Variants in NALF1 observed in about 807,000 individuals in gnomAD.
The protein encoded by NALF1 is family with sequence similarity 155 member A.
In NALF1, 3 loss-of-function variants were observed where a neutral mutation model predicts 48.4. The observed-to-expected ratio is 0.06, with a 90% CI of 0.03 to 0.16. The LOEUF (loss-of-function observed/expected upper bound fraction) is 0.16, where lower values mean the gene tolerates loss of function less well. NALF1 is among the 10% of genes least tolerant of loss of function. The probability of loss-of-function intolerance (pLI) is 1.00; values close to 1 mark genes in which losing one functional copy is unlikely to be tolerated. For synonymous variants in NALF1, 262 were observed against 245.7 expected (o/e 1.07, Z -0.62); for missense variants, 526 against 571.5 (o/e 0.92, Z 0.81).
intron 1 of NALF1, among the ~76,000 whole-genome samples, chr13:107,749,102 A>G (rs1447970340): frequency 6.6e-6 from 1 of 150,416 alleles, no homozygotes; most frequent in Non-Finnish European, 1.5e-5. Context: ...CAATTTAGGA[A>G]ATGACTCAGA....
intron 1 of NALF1, among the ~76,000 whole-genome samples, chr13:107,855,814 T>C (rs550330966): frequency 6.6e-6 from 1 of 152,350 alleles, no homozygotes; most frequent in East Asian, 1.9e-4. Context: ...AGTTTGCCCA[T>C]GATGTTGAAT....
At chr13:107,388,841 A>T (rs1594150162) in intron 1 of NALF1, among the ~76,000 whole-genome samples, 1 of 140,486 alleles carries the variant, frequency 7.1e-6, no homozygotes, top group South Asian at 2.1e-4. Context: ...CCAGTCAATT[A>T]AAAAAAAAAA....
Position 107,578,402 on chromosome 13 carries a change from T to C in NALF1, c.915+287280A>G, listed in dbSNP as rs540085051. Among the ~76,000 whole-genome samples the C allele has an allele frequency of 8.1e-4, 123 of 152,348 alleles. 2 individuals carry two copies. The South Asian group carries it at 0.014, about 17-fold the overall frequency. ...TGTCAAATTTCAATTCATTCAACATTCTAATAGAGTAATTTTTCATCCTTT... is the reference window on the plus strand; with the variant it reads ...TGTCAAATTTCAATTCATTCAACATCCTAATAGAGTAATTTTTCATCCTTT... On this transcript the variant is annotated intron_variant, in intron 1 of 2. Coordinates refer to ENST00000375915, the MANE Select transcript of NALF1 (RefSeq NM_001080396.3).
intron 1 of NALF1, among the ~76,000 whole-genome samples, chr13:107,655,106 T>C (rs1299005169): frequency 6.6e-6 from 1 of 152,046 alleles, no homozygotes; most frequent in Non-Finnish European, 1.5e-5. Flanking sequence ...GGATGCCTAC[T>C]TTCACCACTT....
chr13:107,750,447 T>A (rs1341366), intron 1 of NALF1, among the ~76,000 whole-genome samples: 8,784 of 152,268 alleles, frequency 0.058, 375 homozygotes, highest in South Asian at 0.11. Flanking sequence ...ATTACAATTT[T>A]CCTGAAATTT....
chr13:107,473,474 C>A (rs1347554108), intron 1 of NALF1, among the ~76,000 whole-genome samples: 1 of 152,170 alleles, frequency 6.6e-6, no homozygotes, highest in Admixed American at 6.5e-5. Context: ...TTTAATTACT[C>A]TCTAAGTCAC....
intron 1 of NALF1, among the ~76,000 whole-genome samples, chr13:107,281,280 G>A (rs553423856): frequency 4.6e-5 from 7 of 152,294 alleles, no homozygotes; most frequent in African/African-American, 1.7e-4. Flanking sequence ...AGTCCCATAT[G>A]AGCATTACTG....
intron 1 of NALF1, among the ~76,000 whole-genome samples, chr13:107,636,412 T>C (rs1015245754): frequency 1.3e-5 from 2 of 152,186 alleles, no homozygotes; most frequent in Non-Finnish European, 2.9e-5. Flanking sequence ...CATTTCTTCA[T>C]TGTATGGTTT....
chr13:107,386,762 A>G (rs1434177210), intron 1 of NALF1, among the ~76,000 whole-genome samples: 1 of 152,164 alleles, frequency 6.6e-6, no homozygotes, highest in Non-Finnish European at 1.5e-5. Context: ...ATTTCATTCT[A>G]GTACGTCCAC....
intron 1 of NALF1, among the ~76,000 whole-genome samples, chr13:107,310,516 A>G (rs1286599391): frequency 6.6e-6 from 1 of 152,086 alleles, no homozygotes; most frequent in Non-Finnish European, 1.5e-5. Context: ...ATTACCATGA[A>G]TTTCATTACA....
At chr13:107,379,616 C>G (rs2138972405) in intron 1 of NALF1, among the ~76,000 whole-genome samples, 1 of 152,266 alleles carries the variant, frequency 6.6e-6, no homozygotes, top group Admixed American at 6.5e-5. Context: ...TTGCTAATGA[C>G]AGCACAGCCT....
At chr13:107,253,633 C>T (rs1215973124) in intron 1 of NALF1, among the ~76,000 whole-genome samples, 1 of 152,208 alleles carries the variant, frequency 6.6e-6, no homozygotes, top group Non-Finnish European at 1.5e-5. Context: ...GCACCAACTC[C>T]TCAGCACAAC....
chr13:107,635,218 G>A lies in NALF1; in HGVS notation c.915+230464C>T, dbSNP rs1879942676. On this transcript the variant is annotated intron_variant, in intron 1 of 2. Transcript: ENST00000375915. ...CTCATACTGCTATGAAGACATACCTGAGACTGGGTAATTTATAAAGGAAAG... is the reference window on the plus strand; with the variant it reads ...CTCATACTGCTATGAAGACATACCTAAGACTGGGTAATTTATAAAGGAAAG... Among the ~76,000 whole-genome samples the A allele has an allele frequency of 2.0e-5, 3 of 151,994 alleles. No individual in the cohort carries two copies. The South Asian group carries it at 6.2e-4, about 32-fold the overall frequency.
chr13:107,186,661 C>A (rs750928869), intron 2 of NALF1, among the ~76,000 whole-genome samples: 8 of 152,260 alleles, frequency 5.3e-5, no homozygotes, highest in Non-Finnish European at 1.0e-4. Context: ...CCACCATGCC[C>A]GGCCCATTTG....
chr13:107,606,623 T>C (rs9301243), intron 1 of NALF1, among the ~76,000 whole-genome samples: 124,338 of 152,056 alleles, frequency 0.82, 50,832 homozygotes, highest in Admixed American at 0.84. Context: ...GCCTCGGCCT[T>C]CCAAAGTGCT....
intron 1 of NALF1, among the ~76,000 whole-genome samples, chr13:107,387,603 C>T (rs964839796): frequency 8.5e-5 from 13 of 152,274 alleles, no homozygotes; most frequent in African/African-American, 3.1e-4. Flanking sequence ...GACACCATTT[C>T]AATGATCACT....
chr13:107,426,060 T>G lies in NALF1; in HGVS notation c.916-215305A>C, dbSNP rs114301727. Among the ~76,000 whole-genome samples the G allele has an allele frequency of 5.3e-3, 806 of 152,334 alleles. 8 individuals are homozygous for G. The highest frequency in any genetic ancestry group is 0.019 in the African/African-American group (773 of 41,588). The stretch of plus-strand genomic sequence containing the variant: ...TTCCTCAGGACCTTACTCGCTGCTG[T>G]GCACTTTGTGGCCTCCTCTTGCTCC... On this transcript the variant is annotated intron_variant, in intron 1 of 2. Coordinates refer to ENST00000375915, the MANE Select transcript of NALF1 (RefSeq NM_001080396.3).
intron 1 of NALF1, among the ~76,000 whole-genome samples, chr13:107,641,691 T>C (rs937524609): frequency 6.6e-6 from 1 of 152,134 alleles, no homozygotes; most frequent in Non-Finnish European, 1.5e-5. Context: ...AATTGAATAG[T>C]CGGAGTCTCT....
intron 1 of NALF1, among the ~76,000 whole-genome samples, chr13:107,812,875 A>G (rs1879041005): frequency 6.6e-6 from 1 of 152,000 alleles, no homozygotes; most frequent in African/African-American, 2.4e-5. Context: ...ATCTTGGCTC[A>G]CTGCAACTTT....
Sources: allele counts gnomAD v4.1 joint callset (sites outside exome capture counted in the v4.1 genomes callset), GRCh38; gene constraint gnomAD v4.1.1; transcripts MANE v1.5; gene names NCBI Gene and HGNC (gene_info 2026-07-23, HGNC 2026-07-21).